Variants in DISC1 observed in about 807,000 individuals in gnomAD.
DISC1 encodes DISC1 scaffold protein.
Under a neutral mutation model 84.5 loss-of-function variants are expected in DISC1, and 57 were observed. The ratio of observed to expected loss-of-function variants is 0.67; its 90% CI spans 0.55 to 0.84. The LOEUF (loss-of-function observed/expected upper bound fraction) is 0.84, where lower values mean the gene tolerates loss of function less well. Ranked by LOEUF, DISC1 falls within the 40% of genes least tolerant of loss-of-function variation. The pLI is 0.00. For synonymous variants in DISC1, 411 were observed against 415.2 expected (o/e 0.99, Z 0.12); for missense variants, 1,000 against 1,057.8 (o/e 0.95, Z 0.76).
At chr1:231,838,696 T>C (rs1329634092) in intron 9 of DISC1, among the ~76,000 whole-genome samples, 1 of 152,256 alleles carries the variant, frequency 6.6e-6, no homozygotes, top group East Asian at 1.9e-4. Context: ...TATCAAGAGT[T>C]ACATGTAAGT....
intron 4 of DISC1, among the ~76,000 whole-genome samples, chr1:231,760,948 T>C (rs189100702): frequency 2.0e-5 from 3 of 152,364 alleles, no homozygotes; most frequent in Admixed American, 2.0e-4. Flanking sequence ...TTCATTCTTT[T>C]TTCAATATTC....
chr1:231,962,109 T>C (rs972342757), intron 10 of DISC1, among the ~76,000 whole-genome samples: 2 of 152,246 alleles, frequency 1.3e-5, no homozygotes, highest in Non-Finnish European at 2.9e-5. Flanking sequence ...ATGGTTTTGA[T>C]TTACATTTCT....
At chr1:231,929,342 C>G (rs2090520047) in intron 9 of DISC1, among the ~76,000 whole-genome samples, 1 of 152,194 alleles carries the variant, frequency 6.6e-6, no homozygotes, top group Non-Finnish European at 1.5e-5. Context: ...CTCACCTCCC[C>G]CACTCCTGAC....
intron 9 of DISC1, among the ~76,000 whole-genome samples, chr1:231,895,276 G>A (rs1436552718): frequency 1.3e-5 from 2 of 151,316 alleles, no homozygotes; most frequent in East Asian, 3.9e-4. Flanking sequence ...TCCACTTTAT[G>A]TGTAAGTATA....
chr1:231,787,792 C>T (rs900078918), intron 6 of DISC1, among the ~76,000 whole-genome samples: 9 of 152,186 alleles, frequency 5.9e-5, no homozygotes, highest in East Asian at 3.9e-4. Context: ...GAGGCAGGCT[C>T]CCAGATGAGA....
At chr1:231,642,465 C>T (rs894732684) in intron 1 of DISC1, among the ~76,000 whole-genome samples, 9 of 152,252 alleles carry the variant, frequency 5.9e-5, no homozygotes, top group African/African-American at 2.2e-4. Flanking sequence ...ACGCTGTCAC[C>T]TCTCGTGAGT....
At chr1:231,958,948 C>A (rs1660005802) in intron 10 of DISC1, 60 bp downstream of exon 10, 1 of 1,536,352 alleles carries the variant, frequency 6.5e-7, no homozygotes, top group Non-Finnish European at 8.7e-7. Flanking sequence ...TTTATTATAA[C>A]AGAATTTAGT....
At chr1:231,794,093 C>A (rs1412451018) in intron 6 of DISC1, among the ~76,000 whole-genome samples, 11 of 152,174 alleles carry the variant, frequency 7.2e-5, no homozygotes, top group African/African-American at 2.4e-4. Flanking sequence ...CCCTAACTAA[C>A]TAAATAAGCA....
intron 9 of DISC1, among the ~76,000 whole-genome samples, chr1:231,956,433 C>G (rs1659512695): frequency 6.6e-6 from 1 of 152,146 alleles, no homozygotes; most frequent in Non-Finnish European, 1.5e-5. Flanking sequence ...TCCTCCACAT[C>G]TCCATCATCT....
chr1:231,644,357 T>G (rs1484611430), intron 1 of DISC1, among the ~76,000 whole-genome samples: 1 of 152,132 alleles, frequency 6.6e-6, no homozygotes, highest in African/African-American at 2.4e-5. Flanking sequence ...GCTTTGCTCT[T>G]TACTGCTAGG....
chr1:231,902,436 A>G (rs765920709), intron 9 of DISC1, among the ~76,000 whole-genome samples: 1 of 152,106 alleles, frequency 6.6e-6, no homozygotes, highest in East Asian at 1.9e-4. Context: ...CCCCATCTCT[A>G]CTAAAAATAC....
At chr1:231,983,652 G>A (rs1448791510) in intron 10 of DISC1, among the ~76,000 whole-genome samples, 1 of 136,282 alleles carries the variant, frequency 7.3e-6, no homozygotes, top group Admixed American at 7.4e-5. Context: ...GGGGGGAGGG[G>A]GTGGAGGTGG....
intron 9 of DISC1, among the ~76,000 whole-genome samples, chr1:231,863,904 C>T (rs890715636): frequency 2.7e-5 from 4 of 149,224 alleles, no homozygotes; most frequent in Admixed American, 2.6e-4. Context: ...TTATTCAATT[C>T]TTCTTTTCTT....
intron 10 of DISC1, among the ~76,000 whole-genome samples, chr1:232,004,706 T>C (rs1572594347): frequency 6.6e-6 from 1 of 152,154 alleles, no homozygotes; most frequent in African/African-American, 2.4e-5. Flanking sequence ...ACCTATTAGA[T>C]TGGCTAAAAT....
rs779453406 is a variant in DISC1, at chr1:232,037,042, G to A, written c.*211G>A. The A allele has an allele frequency of 1.2e-5, 5 of 427,330 alleles. No individual in the cohort carries two copies. Among genetic ancestry groups the A allele is most frequent in the African/African-American group, 2.0e-5 (1 of 48,974 alleles). The allele number at this position is 427,330 out of a possible 1,614,324, so 26.5% of individuals were successfully genotyped here. A position where few individuals can be genotyped will look rare whatever the true frequency, so the allele number is the denominator to read the frequency against. On this transcript the variant is annotated 3_prime_UTR_variant, in exon 13 of 13. Transcript: ENST00000439617. Reference sequence around the variant, plus strand: ...ATATGGAGAGAGAGACTGATTTGCTGAATTTCCTTCTAAATGTCACTCAAA... The same window carrying A: ...ATATGGAGAGAGAGACTGATTTGCTAAATTTCCTTCTAAATGTCACTCAAA...
intron 3 of DISC1, among the ~76,000 whole-genome samples, chr1:231,722,341 G>A (rs970522053): frequency 6.6e-6 from 1 of 152,136 alleles, no homozygotes; most frequent in Non-Finnish European, 1.5e-5. Flanking sequence ...AATGACCATG[G>A]TATTTGATAC....
At chr1:231,886,964 C>T (rs1370933949) in intron 9 of DISC1, among the ~76,000 whole-genome samples, 1 of 151,146 alleles carries the variant, frequency 6.6e-6, no homozygotes, top group Non-Finnish European at 1.5e-5. Flanking sequence ...CGAGTTCAAG[C>T]GATTCTCCTG....
chr1:231,848,531 T>C (rs2083624287), intron 9 of DISC1, among the ~76,000 whole-genome samples: 1 of 152,132 alleles, frequency 6.6e-6, no homozygotes, highest in African/African-American at 2.4e-5. Flanking sequence ...TTCTAATGAG[T>C]TTCCAGGTGA....
At chr1:231,693,445 C>T (rs551670122) in intron 1 of DISC1, among the ~76,000 whole-genome samples, 21 of 152,174 alleles carry the variant, frequency 1.4e-4, no homozygotes, top group South Asian at 4.1e-4. Context: ...TCCTCTTTCA[C>T]GTCATTTGCT....
Sources: allele counts gnomAD v4.1 joint callset (sites outside exome capture counted in the v4.1 genomes callset), GRCh38; gene constraint gnomAD v4.1.1; transcripts MANE v1.5; gene names NCBI Gene and HGNC (gene_info 2026-07-23, HGNC 2026-07-21).